The following PRKN variants were observed in gnomAD, a reference collection of about 807,000 sequenced individuals.
The protein encoded by PRKN is E3 ubiquitin-protein ligase parkin.
PRKN carries 56 observed loss-of-function variants against 59.5 expected under a neutral mutation model. The ratio of observed to expected loss-of-function variants is 0.94; its 90% confidence interval spans 0.76 to 1.18. PRKN has a LOEUF of 1.18. Among genes scored for constraint, PRKN ranks in the 50% most tolerant of loss-of-function variants. PRKN has a pLI of 0.00. For synonymous variants in PRKN, 250 were observed against 222.1 expected, an observed-to-expected ratio of 1.13 and a Z score of -1.12; for missense variants, 657 against 596.4, an observed-to-expected ratio of 1.10 and a Z score of -1.06.
intron 2 of PRKN, among the ~76,000 whole-genome samples, chr6:162,375,858 G>C (rs2128138697): frequency 6.6e-6 from 1 of 151,578 alleles, no homozygotes; most frequent in Middle Eastern, 3.4e-3. Flanking sequence ...ACTTTTCACT[G>C]AATTTTGGGT....
rs1777444751 is a variant in PRKN, at chr6:161,488,990, G to A, written c.1083+59864C>T. ...TAACCTACTGTGATGACATTTCTCA[G>A]GAACGAGGCGACTAGAAGAAAAACA... is the stretch of plus-strand genomic sequence containing the variant. On this transcript the variant is annotated intron_variant, in intron 9 of 11. Transcript: ENST00000366898. The surrounding 1 kb of genome is among the most constrained non-coding windows in gnomAD (Gnocchi z 4.5). Among the ~76,000 whole-genome samples the A allele has an allele frequency of 1.3e-5, 2 of 152,124 alleles. No individual in the cohort carries two copies.
chr6:162,705,539 TGA>T (rs1455383250), intron 1 of PRKN, among the ~76,000 whole-genome samples: 2 of 152,092 alleles, frequency 1.3e-5, no homozygotes, highest in African/African-American at 2.4e-5. Flanking sequence ...CTAAAAATAA[TGA>T]GATTTGGAGG....
chr6:161,739,295 C>T (rs1788093233), intron 7 of PRKN, among the ~76,000 whole-genome samples: 1 of 152,068 alleles, frequency 6.6e-6, no homozygotes, highest in South Asian at 2.1e-4. Flanking sequence ...GTAATCCCAG[C>T]TACCAGGGTG....
intron 1 of PRKN, among the ~76,000 whole-genome samples, chr6:162,724,104 A>G (rs1779036068): frequency 6.6e-6 from 1 of 152,242 alleles, no homozygotes; most frequent in African/African-American, 2.4e-5. Context: ...CATACCACAA[A>G]TATCCCCACT....
chr6:162,185,025 A>C (rs1295124500), intron 4 of PRKN, among the ~76,000 whole-genome samples: 1 of 152,166 alleles, frequency 6.6e-6, no homozygotes, highest in Admixed American at 6.5e-5. Context: ...TAACAAAGAA[A>C]GCCTCATCTA....
chr6:162,294,912 C>G (rs988013062), intron 2 of PRKN, among the ~76,000 whole-genome samples: 5 of 152,156 alleles, frequency 3.3e-5, no homozygotes. Flanking sequence ...AAACACAGGA[C>G]AAGATCTGAA....
intron 2 of PRKN, among the ~76,000 whole-genome samples, chr6:162,362,561 C>T (rs1785198010): frequency 6.6e-6 from 1 of 152,054 alleles, no homozygotes; most frequent in South Asian, 2.1e-4. Flanking sequence ...AAAATTACAC[C>T]TGTTTCTCTA....
chr6:161,730,456 T>C (rs1386103142), intron 7 of PRKN, among the ~76,000 whole-genome samples: 1 of 151,264 alleles, frequency 6.6e-6, no homozygotes, highest in East Asian at 1.9e-4. Context: ...TTCTTTTTGA[T>C]GTGTTCCATT....
At chr6:161,516,278 T>A (rs1363752499) in intron 9 of PRKN, among the ~76,000 whole-genome samples, 1 of 151,142 alleles carries the variant, frequency 6.6e-6, no homozygotes, top group African/African-American at 2.4e-5. Context: ...TGAAACCCCA[T>A]CTCTACTTAA....
intron 1 of PRKN, among the ~76,000 whole-genome samples, chr6:162,661,697 A>G (rs537222569): frequency 6.6e-6 from 1 of 152,358 alleles, no homozygotes; most frequent in East Asian, 1.9e-4. Flanking sequence ...TTATGGCTGA[A>G]GTAATAATCT....
intron 4 of PRKN, among the ~76,000 whole-genome samples, chr6:162,199,498 T>C (rs1039485659): frequency 6.6e-6 from 1 of 152,180 alleles, no homozygotes; most frequent in African/African-American, 2.4e-5. Context: ...GAAGTTGGTA[T>C]AAATAGGTCA....
chr6:161,801,936 G>T (rs1036221898), intron 6 of PRKN, among the ~76,000 whole-genome samples: 2 of 152,164 alleles, frequency 1.3e-5, no homozygotes, highest in South Asian at 4.1e-4. Context: ...TAATGGTTGT[G>T]CTGAGGGTTA....
chr6:162,266,824 A>G (rs1184288721), intron 2 of PRKN, among the ~76,000 whole-genome samples: 1 of 152,206 alleles, frequency 6.6e-6, no homozygotes, highest in African/African-American at 2.4e-5. Flanking sequence ...AGAAAACTAA[A>G]GAGGATGGGT....
At chr6:161,934,542 G>A (rs1779284261) in intron 6 of PRKN, among the ~76,000 whole-genome samples, 1 of 152,034 alleles carries the variant, frequency 6.6e-6, no homozygotes, top group Admixed American at 6.6e-5. Flanking sequence ...TGTCTAATCT[G>A]CCTACAGAGC....
At chr6:162,368,419 G>A (rs928366367) in intron 2 of PRKN, among the ~76,000 whole-genome samples, 1 of 152,094 alleles carries the variant, frequency 6.6e-6, no homozygotes, top group African/African-American at 2.4e-5. Context: ...TTTCTACATC[G>A]ACTGCCATCA....
Position 161,414,832 on chromosome 6 carries a change from T to C in PRKN, c.1084-27955A>G, listed in dbSNP as rs575535107. Among the ~76,000 whole-genome samples the C allele has an allele frequency of 6.6e-6, 1 of 152,300 alleles. No individual in the cohort carries two copies. Among genetic ancestry groups the C allele is most frequent in the South Asian group, 2.1e-4 (1 of 4,826 alleles). ...GGTCTGTAGTTGCCAGACTCTATTA[T>C]TGTGGGCTATAAATTAAGAGGCTTC... is the stretch of plus-strand genomic sequence containing the variant. On this transcript the variant is annotated intron_variant, in intron 9 of 11. Transcript: ENST00000366898. This position sits in a 1 kb window ranked among gnomAD's most constrained non-coding sequence, Gnocchi z 5.3.
intron 2 of PRKN, among the ~76,000 whole-genome samples, chr6:162,436,069 G>C (rs1583568966): frequency 6.8e-6 from 1 of 148,088 alleles, no homozygotes; most frequent in Admixed American, 6.9e-5. Context: ...CCAGCGACTT[G>C]AGAGGCTGAG....
chr6:162,118,034 T>C (rs1407436530), intron 4 of PRKN, among the ~76,000 whole-genome samples: 1 of 152,030 alleles, frequency 6.6e-6, no homozygotes, highest in Non-Finnish European at 1.5e-5. Context: ...AGACAGAGCT[T>C]GCAGTGAGCC....
At chr6:162,341,175 A>G (rs757333130) in intron 2 of PRKN, among the ~76,000 whole-genome samples, 3 of 152,224 alleles carry the variant, frequency 2.0e-5, no homozygotes, top group Non-Finnish European at 4.4e-5. Context: ...ATCACTGGTC[A>G]TTAGAGAAAT....
Sources: gnomAD v4.1 joint callset for allele counts (sites outside exome capture counted in the v4.1 genomes callset) on GRCh38, gnomAD v4.1.1 for gene constraint, Gnocchi (gnomAD v3.1) non-coding constraint, MANE v1.5 for transcripts, NCBI Gene and HGNC (gene_info 2026-07-23, HGNC 2026-07-21) for gene names.